DISC1: variants seen among roughly 807,000 people sequenced by gnomAD.
The protein encoded by DISC1 is DISC1 scaffold protein, also known as disrupted in schizophrenia 1 protein.
Under a neutral mutation model 84.5 loss-of-function variants are expected in DISC1, and 57 were observed. That is an observed-to-expected ratio of 0.67 (90% CI 0.55 to 0.84). The LOEUF (loss-of-function observed/expected upper bound fraction) is 0.84. DISC1 is among the 40% of genes least tolerant of loss of function. The pLI is 0.00. For missense variants in DISC1, 1,000 were observed against 1,057.8 expected (o/e 0.95, Z 0.76); for synonymous variants, 411 against 415.2 (o/e 0.99, Z 0.12).
At chr1:231,876,254 C>T (rs1399541376) in intron 9 of DISC1, among the ~76,000 whole-genome samples, 1 of 152,134 alleles carries the variant, frequency 6.6e-6, no homozygotes, top group Non-Finnish European at 1.5e-5. Flanking sequence ...GGTCATTTAA[C>T]AGTGTGTGGC....
intron 11 of DISC1, among the ~76,000 whole-genome samples, chr1:232,011,978 C>A (rs1311781426): frequency 6.6e-6 from 1 of 152,084 alleles, no homozygotes. Flanking sequence ...ACCACCACGA[C>A]ATAAGAGGAT....
In DISC1 at chr1:231,741,809, T is replaced by C. The variant is rs117151413; in HGVS notation, c.1118-8117T>C. 4.6e-5 allele frequency among the ~76,000 whole-genome samples: 7 copies of C among 152,304 alleles called. No individual in the cohort carries two copies. The East Asian group carries it at 1.3e-3, about 29-fold the overall frequency. ...TCTCACAGCAACTTTGCTTTTCTGG[T>C]TCCCTATGTCCGATCTGTCAGAGAA... On this transcript the variant is annotated intron_variant, in intron 3 of 12. Coordinates refer to ENST00000439617, the MANE Select transcript of DISC1 (RefSeq NM_018662.3).
intron 9 of DISC1, among the ~76,000 whole-genome samples, chr1:231,831,046 T>C (rs1052156144): frequency 8.5e-5 from 13 of 152,188 alleles, no homozygotes; most frequent in African/African-American, 2.9e-4. Context: ...AAGAAATGAC[T>C]GCAGTGGCCT....
At chr1:231,723,064 A>G (rs2070075356) in intron 3 of DISC1, 1 of 1,019,496 alleles carries the variant, frequency 9.8e-7, no homozygotes, top group Non-Finnish European at 1.2e-6. Context: ...GTCCCTTGAT[A>G]TCCATGGGGG....
chr1:231,884,547 CTGCAATGAACATACGCG>C (rs144752246), intron 9 of DISC1, among the ~76,000 whole-genome samples: 3,113 of 152,162 alleles, frequency 0.02, 117 homozygotes, highest in African/African-American at 0.07. Context: ...GTGAATAGTG[CTGCAATGAACATACGCG>C]TGCATGTGAC....
At chr1:231,636,682 G>C (rs2059228970) in intron 1 of DISC1, among the ~76,000 whole-genome samples, 1 of 152,106 alleles carries the variant, frequency 6.6e-6, no homozygotes, top group Non-Finnish European at 1.5e-5. Flanking sequence ...ATTTCAAGGA[G>C]TCAGAACAGG....
chr1:231,650,068 G>A (rs2060485714), intron 1 of DISC1, among the ~76,000 whole-genome samples: 2 of 152,076 alleles, frequency 1.3e-5, no homozygotes, highest in Admixed American at 1.3e-4. Context: ...TTAGATTTAA[G>A]GTTAATATTG....
intron 1 of DISC1, among the ~76,000 whole-genome samples, chr1:231,674,912 G>A (rs151103162): frequency 2.6e-5 from 4 of 152,194 alleles, no homozygotes; most frequent in East Asian, 3.9e-4. Flanking sequence ...TCCTACGCCC[G>A]CCCAGACTTA....
At chr1:231,893,110 C>T (rs1287544513) in intron 9 of DISC1, among the ~76,000 whole-genome samples, 1 of 152,168 alleles carries the variant, frequency 6.6e-6, no homozygotes, top group African/African-American at 2.4e-5. Context: ...CTGCAGTTAG[C>T]TGTGTTCATG....
intron 10 of DISC1, chr1:231,959,634 G>A: frequency 2.2e-6 from 1 of 458,312 alleles, no homozygotes; most frequent in Non-Finnish European, 2.9e-6. Context: ...CTAAAATGCT[G>A]CTTTTCCATT....
chr1:231,958,921 G>A (rs754085292), intron 10 of DISC1, 33 bp downstream of exon 10: 47 of 1,598,670 alleles, frequency 2.9e-5, no homozygotes, highest in African/African-American at 8.1e-5. Context: ...TTCAGACTCC[G>A]TAGCACATCT....
At chr1:231,735,779 A>G (rs1558450671) in intron 3 of DISC1, among the ~76,000 whole-genome samples, 1 of 152,122 alleles carries the variant, frequency 6.6e-6, no homozygotes, top group Non-Finnish European at 1.5e-5. Flanking sequence ...TGTTTATCTT[A>G]TTCCTCATCC....
intron 9 of DISC1, among the ~76,000 whole-genome samples, chr1:231,864,833 A>G (rs1036804980): frequency 6.6e-6 from 1 of 152,208 alleles, no homozygotes; most frequent in Non-Finnish European, 1.5e-5. Flanking sequence ...TTTGATATAT[A>G]AAATCCTATG....
At chr1:231,997,035 G>T (rs559488361) in intron 10 of DISC1, among the ~76,000 whole-genome samples, 4 of 152,034 alleles carry the variant, frequency 2.6e-5, no homozygotes, top group Non-Finnish European at 4.4e-5. Context: ...CAATAAGCAG[G>T]TATCTTAAAA....
chr1:231,727,795 A>C (rs1031079920), intron 3 of DISC1, among the ~76,000 whole-genome samples: 3 of 152,000 alleles, frequency 2.0e-5, no homozygotes, highest in African/African-American at 7.3e-5. Context: ...TAGAGGGGTT[A>C]AATAGGGCCT....
Position 232,039,820 on chromosome 1 carries a change from G to C in DISC1, c.*2989G>C, listed in dbSNP as rs1226290439. ...ACAAGCAAAAGCACATACTGGAAAT[G>C]ATGAGTTAGAATCTGATTTGACTGG... is the stretch of plus-strand genomic sequence containing the variant. On this transcript the variant is annotated 3_prime_UTR_variant, in exon 13 of 13. Transcript: ENST00000439617. The C allele has an allele frequency of 6.6e-6, 1 of 152,088 alleles. No individual in the cohort carries two copies. Among genetic ancestry groups the C allele is most frequent in the African/African-American group, 2.4e-5 (1 of 41,422 alleles). 9.4% of individuals were successfully genotyped at this position (152,088 alleles called of 1,614,324 possible).
intron 1 of DISC1, among the ~76,000 whole-genome samples, chr1:231,643,173 T>C (rs1300496180): frequency 6.6e-6 from 1 of 152,194 alleles, no homozygotes; most frequent in Non-Finnish European, 1.5e-5. Context: ...GGCCCTTCAG[T>C]GCAGAGATAA....
intron 9 of DISC1, among the ~76,000 whole-genome samples, chr1:231,921,479 A>G (rs2090006248): frequency 6.6e-6 from 1 of 152,188 alleles, no homozygotes; most frequent in Non-Finnish European, 1.5e-5. Context: ...CGCTTATTAC[A>G]GCACTTACAG....
chr1:231,643,385 C>A (rs1051949144), intron 1 of DISC1, among the ~76,000 whole-genome samples: 2 of 152,138 alleles, frequency 1.3e-5, no homozygotes, highest in African/African-American at 4.8e-5. Flanking sequence ...TGAAAGAATG[C>A]CATTCATGGT....
Sources: allele counts gnomAD v4.1 joint callset (sites outside exome capture counted in the v4.1 genomes callset), GRCh38; gene constraint gnomAD v4.1.1; transcripts MANE v1.5; gene names NCBI Gene and HGNC (gene_info 2026-07-23, HGNC 2026-07-21).